The following VPS13D variants were observed in gnomAD, a reference collection of about 807,000 sequenced individuals.
VPS13D encodes the protein vacuolar protein sorting 13 homolog D.
VPS13D carries 187 observed loss-of-function variants against 461.9 expected under a neutral mutation model. The ratio of observed to expected loss-of-function variants is 0.40; its 90% CI spans 0.36 to 0.46. The LOEUF (loss-of-function observed/expected upper bound fraction) is 0.46. Among genes scored for constraint, VPS13D ranks in the 20% least tolerant of loss-of-function variants. The probability of loss-of-function intolerance (pLI) is 0.60; values close to 1 mark genes in which losing one functional copy is unlikely to be tolerated. For missense variants in VPS13D, 4,711 were observed against 5,364.9 expected (o/e 0.88, Z 3.81); for synonymous variants, 1,951 against 1,986.3 (o/e 0.98, Z 0.47).
At chr1:12,423,957 T>G (rs1644893351) in intron 65 of VPS13D, among the ~76,000 whole-genome samples, 1 of 152,256 alleles carries the variant, frequency 6.6e-6, no homozygotes, top group Non-Finnish European at 1.5e-5. Context: ...GCATGGATTC[T>G]GAAGGCGAAA....
At chr1:12,415,580 G>A (rs1644783190) in intron 64 of VPS13D, among the ~76,000 whole-genome samples, 1 of 152,066 alleles carries the variant, frequency 6.6e-6, no homozygotes, top group Non-Finnish European at 1.5e-5. Flanking sequence ...AGAGTCTGTG[G>A]GATCCTGCAT....
rs1645590087 is a variant in VPS13D, at chr1:12,473,530, A to T, written c.12662+13134A>T. Among the ~76,000 whole-genome samples, 1 of 152,070 alleles carries T rather than the reference A, an allele frequency of 6.6e-6. No individual in the cohort carries two copies. Among genetic ancestry groups the T allele is most frequent in the Non-Finnish European group, 1.5e-5 (1 of 68,018 alleles). On this transcript the variant is annotated intron_variant, in intron 67 of 69. Coordinates refer to ENST00000620676, the MANE Select transcript of VPS13D (RefSeq NM_015378.4). This position sits in a 1 kb window ranked among gnomAD's most constrained non-coding sequence, Gnocchi z 4.2. ...TTTTTCCCCTCTTAATCTCTCTGAG[A>T]TGAGATTCCTTTGAGTCATATGCCT...
intron 63 of VPS13D, among the ~76,000 whole-genome samples, chr1:12,406,989 C>T (rs1644665273): frequency 6.6e-6 from 1 of 152,116 alleles, no homozygotes; most frequent in South Asian, 2.1e-4. Flanking sequence ...ATTTAAAAAG[C>T]CTAAAACTGT....
chr1:12,430,294 T>C (rs1178458720), intron 65 of VPS13D, among the ~76,000 whole-genome samples: 1 of 152,200 alleles, frequency 6.6e-6, no homozygotes, highest in East Asian at 1.9e-4. Context: ...GTCAAGTTTA[T>C]CCCCATTTGA....
At chr1:12,503,064 C>T (rs549859717) in intron 68 of VPS13D, among the ~76,000 whole-genome samples, 4 of 152,252 alleles carry the variant, frequency 2.6e-5, no homozygotes, top group African/African-American at 9.6e-5. Context: ...GTGACCTGCC[C>T]CAGAGGAGGC....
chr1:12,421,502 G>A lies in VPS13D; in HGVS notation c.12333+4675G>A, dbSNP rs578078759. Among the ~76,000 whole-genome samples the A allele has an allele frequency of 6.6e-5, 10 of 152,274 alleles. No homozygotes were observed. The South Asian group carries it at 2.1e-3, about 32-fold the overall frequency. Reference sequence around the variant, plus strand: ...ATCTTTTAAAGGCAGAGAACTGGGAGGGCCCCCTATTGATGAAATTTCCTC... The same window carrying A: ...ATCTTTTAAAGGCAGAGAACTGGGAAGGCCCCCTATTGATGAAATTTCCTC... On this transcript the variant is annotated intron_variant, in intron 65 of 69. Coordinates refer to ENST00000620676, the MANE Select transcript of VPS13D (RefSeq NM_015378.4).
At chr1:12,504,902 A>G (rs1263508628) in intron 68 of VPS13D, among the ~76,000 whole-genome samples, 1 of 152,126 alleles carries the variant, frequency 6.6e-6, no homozygotes, top group Non-Finnish European at 1.5e-5. Context: ...CTGACATGTA[A>G]ATGTCAGCTA....
chr1:12,403,857 A>C lies in VPS13D; in HGVS notation c.11914A>C (p.Lys3972Gln). The C allele has an allele frequency of 6.2e-7, 1 of 1,604,678 alleles. No individual in the cohort carries two copies. The highest frequency in any genetic ancestry group is 1.1e-5 in the South Asian group (1 of 88,102). Residue 3972 changes from lysine to glutamine, a missense_variant, in exon 63 of 70, where the codon AAG becomes CAG. Coordinates refer to ENST00000620676, the MANE Select transcript of VPS13D (RefSeq NM_015378.4). Reference sequence around the variant, plus strand: ...AAAATATGATGAAAACCTCCATGAAAAGACAGCTGAGCAAGGTGGAACACC... The same window carrying C: ...AAAATATGATGAAAACCTCCATGAACAGACAGCTGAGCAAGGTGGAACACC... Reference protein sequence around the residue: ...VEKYDENLHEKTAEQGGTPIR... With the variant: ...VEKYDENLHEQTAEQGGTPIR...
chr1:12,420,885 A>G (rs889393315), intron 65 of VPS13D, among the ~76,000 whole-genome samples: 1 of 152,200 alleles, frequency 6.6e-6, no homozygotes, highest in East Asian at 1.9e-4. Flanking sequence ...TCATTCTGTC[A>G]CATAAGAAGA....
At chr1:12,298,138 C>A (rs948240434) in intron 24 of VPS13D, among the ~76,000 whole-genome samples, 1 of 152,082 alleles carries the variant, frequency 6.6e-6, no homozygotes, top group Non-Finnish European at 1.5e-5. Flanking sequence ...AATCCCTATA[C>A]CTCTTTGAGG....
In VPS13D at chr1:12,441,716, G is replaced by GA. The variant is rs564203668; in HGVS notation, c.12334-14281dup. Among the ~76,000 whole-genome samples the GA allele has an allele frequency of 2.5e-3, 382 of 152,308 alleles. 1 individual carries two copies. Among genetic ancestry groups the GA allele is most frequent in the Non-Finnish European group, 4.4e-3 (301 of 68,032 alleles). On this transcript the variant is annotated intron_variant, in intron 65 of 69. Transcript: ENST00000620676. ...AGATATTTCCATCTGGAGTCGCAAA[G>GA]ATCTTTCTTCTTCAATCCAAATCAA...
At position 12,349,187 on chromosome 1, in the gene VPS13D, A is replaced by G; in HGVS notation, c.9244A>G (p.Met3082Val). ...AGAGCCAGTGGTGCTTCCTGCTATC[A>G]TGCCAGGGGATTCGTTTGCTGTGCC... ...PDKPVVLPAI[M>V]PGDSFAVPLH... The change falls in exon 46 of 70, where the codon ATG becomes GTG. Residue 3082 changes from methionine (M) to valine (V), a missense_variant. By Grantham distance (21) the Met-to-Val change is conservative (BLOSUM62 1). Around this residue, in one of 3 missense-constraint regions of VPS13D, gnomAD observed 4,411 missense variants for 4,937.8 expected, o/e 0.89. Coordinates refer to ENST00000620676, the MANE Select transcript of VPS13D (RefSeq NM_015378.4). The G allele has an allele frequency of 6.2e-7, 1 of 1,613,924 alleles. No homozygotes were observed. Among genetic ancestry groups the G allele is most frequent in the African/African-American group, 1.3e-5 (1 of 75,054 alleles).
intron 5 of VPS13D, among the ~76,000 whole-genome samples, chr1:12,245,960 A>G (rs749226814): frequency 6.6e-6 from 1 of 152,342 alleles, no homozygotes. Context: ...ACTGAATCAT[A>G]TATTCCATTG....
intron 65 of VPS13D, among the ~76,000 whole-genome samples, chr1:12,438,107 T>C (rs551731699): frequency 6.6e-5 from 10 of 152,308 alleles, no homozygotes; most frequent in African/African-American, 2.2e-4. Context: ...TCATCACTTA[T>C]GTCCTGAACT....
rs201607970 is a variant in VPS13D, at chr1:12,327,766, C to T, written c.8109C>T (p.Gly2703=). The T allele has an allele frequency of 1.1e-5, 18 of 1,613,970 alleles. No homozygotes were observed. The highest frequency in any genetic ancestry group is 2.2e-5 in the South Asian group (2 of 91,078). Residue 2703 remains glycine (G), a synonymous_variant, in exon 36 of 70, where the codon GGC becomes GGT. Transcript: ENST00000620676. ...PGAVAAPLIS[G]VEIKAESVCI... ...CTGTGGCAGCGCCATTGATCTCTGG[C>T]GTGGAGATCAAAGCTGAGAGTGTGT...
chr1:12,319,373 T>G (rs1642972073), intron 31 of VPS13D, 124 bp from the exon 32 acceptor site: 27 of 1,363,362 alleles, frequency 2.0e-5, no homozygotes, highest in Non-Finnish European at 2.6e-5. Context: ...GCAGACATTT[T>G]GGAGAAAAAT....
intron 5 of VPS13D, among the ~76,000 whole-genome samples, chr1:12,248,504 G>T (rs929396965): frequency 1.3e-5 from 2 of 151,826 alleles, no homozygotes; most frequent in African/African-American, 4.8e-5. Context: ...CACCATACCT[G>T]GCTATTTAAA....
chr1:12,299,222 C>T lies in VPS13D; in HGVS notation c.6054C>T (p.Arg2018=). 6.2e-7 allele frequency: 1 copy of T among 1,611,548 alleles called. No homozygotes were observed. Among genetic ancestry groups the T allele is most frequent in the East Asian group, 2.2e-5 (1 of 44,772 alleles). ...EGQTVRDQAQ[R]CSRVLLDIEA... is the part of the protein sequence containing the mutation. ...TTCAGGTGAGAGATCAAGCCCAGCG[C>T]TGTTCACGGGTTCTCCTGGATATTG... Residue 2018 remains arginine (R), a synonymous_variant, in exon 25 of 70, where the codon CGC becomes CGT. Transcript: ENST00000620676. The surrounding 1 kb of genome is among the most constrained non-coding windows in gnomAD (Gnocchi z 4.2).
chr1:12,481,914 CTG>C (rs777543570), intron 67 of VPS13D, among the ~76,000 whole-genome samples: 15 of 152,210 alleles, frequency 9.9e-5, no homozygotes, highest in Non-Finnish European at 1.6e-4. Context: ...TGTCTGCAAA[CTG>C]TGTCTTGCTT....
Sources: gnomAD v4.1 joint callset for allele counts (sites outside exome capture counted in the v4.1 genomes callset) on GRCh38, gnomAD v4.1.1 for gene constraint, gnomAD v4.1.1 regional missense constraint, Gnocchi (gnomAD v3.1) non-coding constraint, MANE v1.5 for transcripts, NCBI Gene and HGNC (gene_info 2026-07-23, HGNC 2026-07-21) for gene names.